The following QTMAN variants were observed in gnomAD, a reference collection of about 807,000 sequenced individuals.
The protein encoded by QTMAN is tRNA-queuosine alpha-mannosyltransferase.
At chr2:144,116,939 T>G in the QTMAN span, among the ~76,000 whole-genome samples, 271 of 152,284 alleles carry the variant, frequency 1.8e-3, no homozygotes, top group African/African-American at 6.2e-3. Flanking sequence ...CCTGGGTTTT[T>G]GGGGTTTTGT....
At chr2:144,208,686 G>T in the QTMAN span, 1 of 1,613,570 alleles carries the variant, frequency 6.2e-7, no homozygotes, top group African/African-American at 1.3e-5. Flanking sequence ...TTGCAGGAAG[G>T]GTATAAACGA....
At chr2:144,296,818 C>A in the QTMAN span, among the ~76,000 whole-genome samples, 1 of 152,084 alleles carries the variant, frequency 6.6e-6, no homozygotes, top group African/African-American at 2.4e-5. Context: ...ACTATGAGGG[C>A]CAACCCTGGA....
the QTMAN span, among the ~76,000 whole-genome samples, chr2:143,985,083 G>A: frequency 2.0e-5 from 3 of 152,196 alleles, no homozygotes; most frequent in African/African-American, 4.8e-5. Context: ...TGCTCTGGGG[G>A]TCACAGACAC....
At chr2:143,947,061 T>C in the QTMAN span, 1 of 1,612,356 alleles carries the variant, frequency 6.2e-7, no homozygotes. Context: ...GTCACAAATC[T>C]TCCCTAGGTT....
the QTMAN span, among the ~76,000 whole-genome samples, chr2:144,046,388 A>G: frequency 0.41 from 62,900 of 152,012 alleles, 14,002 homozygotes; most frequent in East Asian, 0.59. Flanking sequence ...ATGATCCACT[A>G]TTTTGTTTTT....
chr2:144,117,722 G>GT, the QTMAN span, among the ~76,000 whole-genome samples: 1 of 152,140 alleles, frequency 6.6e-6, no homozygotes, highest in Middle Eastern at 3.2e-3. Flanking sequence ...TGTGTAAAAT[G>GT]TGAGTTTCAA....
the QTMAN span, among the ~76,000 whole-genome samples, chr2:144,074,896 G>A: frequency 6.6e-6 from 1 of 152,266 alleles, no homozygotes; most frequent in Non-Finnish European, 1.5e-5. Flanking sequence ...AACTCTCTGT[G>A]ACACAACTAA....
the QTMAN span, among the ~76,000 whole-genome samples, chr2:144,299,215 G>T: frequency 1.3e-5 from 2 of 152,074 alleles, no homozygotes; most frequent in Non-Finnish European, 2.9e-5. Context: ...CCTAACTTGT[G>T]GGAGACAAGG....
chr2:143,968,284 T>C, the QTMAN span, among the ~76,000 whole-genome samples: 1 of 152,198 alleles, frequency 6.6e-6, no homozygotes, highest in Non-Finnish European at 1.5e-5. Context: ...CCTGTGGGCT[T>C]CCACAGTACT....
the QTMAN span, among the ~76,000 whole-genome samples, chr2:144,228,983 A>G: frequency 6.6e-6 from 1 of 152,168 alleles, no homozygotes; most frequent in Non-Finnish European, 1.5e-5. Flanking sequence ...ATGAGAGATT[A>G]CAAAACAACA....
At chr2:144,314,191 T>C in the QTMAN span, among the ~76,000 whole-genome samples, 4 of 151,996 alleles carry the variant, frequency 2.6e-5, no homozygotes, top group African/African-American at 7.2e-5. Flanking sequence ...TTACATAAAA[T>C]AAAACACTGC....
At chr2:143,955,921 T>A in the QTMAN span, among the ~76,000 whole-genome samples, 1 of 152,220 alleles carries the variant, frequency 6.6e-6, no homozygotes, top group Non-Finnish European at 1.5e-5. Context: ...CATTAAGGAT[T>A]GCAAAACACT....
chr2:143,945,974 T>C, the QTMAN span: 1 of 152,230 alleles, frequency 6.6e-6, no homozygotes, highest in African/African-American at 2.4e-5. Flanking sequence ...GAGAAACACA[T>C]AGGTAGATGT....
the QTMAN span, among the ~76,000 whole-genome samples, chr2:143,989,163 T>A: frequency 6.6e-6 from 1 of 151,980 alleles, no homozygotes; most frequent in Non-Finnish European, 1.5e-5. Context: ...GTGTTTTTAA[T>A]CCTTACATAT....
chr2:144,303,677 G>T, the QTMAN span, among the ~76,000 whole-genome samples: 1 of 152,072 alleles, frequency 6.6e-6, no homozygotes, highest in South Asian at 2.1e-4. Flanking sequence ...GGAGTAACAG[G>T]GCATTTCCAA....
At chr2:144,002,308 T>C in the QTMAN span, among the ~76,000 whole-genome samples, 1 of 151,958 alleles carries the variant, frequency 6.6e-6, no homozygotes, top group East Asian at 1.9e-4. Flanking sequence ...GTATGCTTGT[T>C]TGAGTTGTAA....
the QTMAN span, among the ~76,000 whole-genome samples, chr2:144,303,162 G>A: frequency 6.6e-6 from 1 of 152,102 alleles, no homozygotes; most frequent in Non-Finnish European, 1.5e-5. Flanking sequence ...TTTGAAGAAT[G>A]GTGAAGCTTT....
At chr2:144,192,486 G>A in the QTMAN span, among the ~76,000 whole-genome samples, 1 of 152,104 alleles carries the variant, frequency 6.6e-6, no homozygotes, top group South Asian at 2.1e-4. Context: ...AGCAGGTTAG[G>A]TATCACCTGC....
the QTMAN span, among the ~76,000 whole-genome samples, chr2:144,041,700 A>G: frequency 1.3e-5 from 2 of 152,164 alleles, no homozygotes; most frequent in Admixed American, 1.3e-4. Flanking sequence ...AAAAGTAAAA[A>G]ACACAATCTC....
Sources: allele counts gnomAD v4.1 joint callset (sites outside exome capture counted in the v4.1 genomes callset), GRCh38; gene constraint gnomAD v4.1.1; transcripts MANE v1.5; gene names NCBI Gene and HGNC (gene_info 2026-07-23, HGNC 2026-07-21).